The following SNX25 variants were observed in gnomAD, a reference collection of about 807,000 sequenced individuals.
The protein encoded by SNX25 is sorting nexin 25, also known as sorting nexin-25.
Under a neutral mutation model 113.7 loss-of-function variants are expected in SNX25, and 62 were observed. The observed-to-expected ratio is 0.55, with a 90% CI of 0.44 to 0.67. The LOEUF (loss-of-function observed/expected upper bound fraction) is 0.67, where lower values mean the gene tolerates loss of function less well. Ranked by LOEUF, SNX25 falls within the 30% of genes least tolerant of loss-of-function variation. SNX25 has a pLI of 0.00. For synonymous variants in SNX25, 421 were observed against 436.2 expected (o/e 0.97, Z 0.43); for missense variants, 1,014 against 1,161.0 (o/e 0.87, Z 1.84).
At chr4:185,250,588 C>A (rs1346520674) in intron 2 of SNX25, among the ~76,000 whole-genome samples, 1 of 152,180 alleles carries the variant, frequency 6.6e-6, no homozygotes, top group Non-Finnish European at 1.5e-5. Context: ...TAGGGAAAAG[C>A]TGTGTGTAAA....
At chr4:185,216,146 A>C (rs1300217950) in intron 1 of SNX25, among the ~76,000 whole-genome samples, 1 of 152,158 alleles carries the variant, frequency 6.6e-6, no homozygotes, top group Non-Finnish European at 1.5e-5. Flanking sequence ...GCACAATCAT[A>C]TGATTTTAAA....
chr4:185,240,181 T>G lies in SNX25; in HGVS notation c.430-7113T>G, dbSNP rs77247433. On this transcript the variant is annotated intron_variant, in intron 1 of 18. Transcript: ENST00000652585. ...ATGTCTACCTCTTTCTACACAGACATGGCAACCATCCGATTTCTCAGTCTT... is the reference window on the plus strand; with the variant it reads ...ATGTCTACCTCTTTCTACACAGACAGGGCAACCATCCGATTTCTCAGTCTT... 5.9e-5 allele frequency among the ~76,000 whole-genome samples: 9 copies of G among 151,742 alleles called. No individual in the cohort carries two copies. The South Asian group carries it at 8.3e-4, about 14-fold the overall frequency.
chr4:185,355,498 T>C (rs966138708), intron 15 of SNX25, among the ~76,000 whole-genome samples: 2 of 152,202 alleles, frequency 1.3e-5, no homozygotes, highest in African/African-American at 4.8e-5. Flanking sequence ...CATTAAGCAA[T>C]AGACAAAGTT....
In SNX25 at chr4:185,259,119, T is replaced by G. The variant is rs1039467853; in HGVS notation, c.731+55T>G. 8.8e-6 allele frequency: 13 copies of G among 1,482,986 alleles called. No homozygotes were observed. In the African/African-American group the frequency reaches 1.1e-4, roughly 13 times the overall value. 91.9% of individuals were successfully genotyped at this position (1,482,986 alleles called of 1,614,324 possible). On this transcript the variant is annotated intron_variant, in intron 3 of 18. Transcript: ENST00000652585. ...TTTGCATTAATTTTTTTTAATTGAG[T>G]AAAAGGTCAAAGTCAAGATAAAACT...
In SNX25 at chr4:185,332,618, G is replaced by A. The variant is rs747344380; in HGVS notation, c.1773G>A (p.Glu591=). The A allele has an allele frequency of 1.9e-6, 3 of 1,613,446 alleles. No homozygotes were observed. The East Asian group carries it at 6.7e-5, about 36-fold the overall frequency. ...DEMGPRDEAG[E]EAVDDGTNQI... Reference sequence around the variant, plus strand: ...AGGGCCCAAGAGATGAGGCTGGTGAGGAAGCCGTGGATGATGGTACCAATC... The same window carrying A: ...AGGGCCCAAGAGATGAGGCTGGTGAAGAAGCCGTGGATGATGGTACCAATC... Residue 591 remains glutamate (E), a synonymous_variant, in exon 10 of 19, where the codon GAG becomes GAA. Transcript: ENST00000652585.
Position 185,323,691 on chromosome 4 carries a change from T to C in SNX25, c.1640T>C (p.Leu547Pro), listed in dbSNP as rs2095136531. ...ATCCAGGAAGATGTTTATGAGACCC[T>C]AAAGGATAGGTATTACCCTTCATTT... ...YKIQEDVYET[L>P]KDRYYPSFIV... is the part of the protein sequence containing the mutation. Residue 547 changes from leucine (L) to proline (P), a missense_variant, in exon 9 of 19, where the codon CTA becomes CCA. By Grantham distance (98) the Leu-to-Pro change is moderately conservative. Coordinates refer to ENST00000652585, the MANE Select transcript of SNX25 (RefSeq NM_001378034.2). 1 of 1,613,680 alleles carries C rather than the reference T, an allele frequency of 6.2e-7. No homozygotes were observed. The highest frequency in any genetic ancestry group is 8.5e-7 in the Non-Finnish European group (1 of 1,179,826).
chr4:185,236,086 A>C (rs1243276019), intron 1 of SNX25, among the ~76,000 whole-genome samples: 1 of 152,242 alleles, frequency 6.6e-6, no homozygotes, highest in Non-Finnish European at 1.5e-5. Context: ...ACATAAGTAA[A>C]TAAACTTATC....
rs770493754 is a variant in SNX25 at position 185,332,764 on chromosome 4, C to T, written c.1914+5C>T. ...GCACCAAAACCTGACAAGAAGGTAACTCTTTGCTTTCAAGGTTGTCTTTGA... is the reference window on the plus strand; with the variant it reads ...GCACCAAAACCTGACAAGAAGGTAATTCTTTGCTTTCAAGGTTGTCTTTGA... On this transcript the variant is annotated splice_donor_5th_base_variant and intron_variant, in intron 10 of 18. Coordinates refer to ENST00000652585, the MANE Select transcript of SNX25 (RefSeq NM_001378034.2). 6.2e-7 allele frequency: 1 copy of T among 1,611,560 alleles called. No individual in the cohort carries two copies. The highest frequency in any genetic ancestry group is 8.5e-7 in the Non-Finnish European group (1 of 1,179,000).
rs563830476 is a variant in SNX25 at position 185,291,701 on chromosome 4, A to G, written c.1162+3619A>G. The stretch of plus-strand genomic sequence containing the variant: ...CCCTGGCCTGGAGATATGTCACTCC[A>G]ATCCCTGCCTCAGTTGTCACGTGAT... On this transcript the variant is annotated intron_variant, in intron 6 of 18. Coordinates refer to ENST00000652585, the MANE Select transcript of SNX25 (RefSeq NM_001378034.2). Among the ~76,000 whole-genome samples the G allele has an allele frequency of 4.0e-3, 605 of 152,280 alleles. 6 individuals are homozygous for G. The highest frequency in any genetic ancestry group is 0.014 in the Middle Eastern group (4 of 294).
At chr4:185,239,698 CTTT>C (rs940816817) in intron 1 of SNX25, among the ~76,000 whole-genome samples, 2 of 119,876 alleles carry the variant, frequency 1.7e-5, no homozygotes, top group African/African-American at 3.1e-5. Context: ...GCTTTGCTTT[CTTT>C]TTTTTTGTTT....
downstream of SNX25, chr4:185,370,689 C>A: frequency 6.2e-7 from 1 of 1,614,012 alleles, no homozygotes; most frequent in South Asian, 1.1e-5. Flanking sequence ...GATGCCCAAG[C>A]CAAGCTGAAG....
chr4:185,265,749 A>G (rs748688788), intron 4 of SNX25, among the ~76,000 whole-genome samples: 1 of 152,162 alleles, frequency 6.6e-6, no homozygotes, highest in African/African-American at 2.4e-5. Context: ...TCAAGTATGC[A>G]CTGTACATAA....
chr4:185,315,994 A>G (rs140302984), intron 7 of SNX25, among the ~76,000 whole-genome samples: 1 of 152,210 alleles, frequency 6.6e-6, no homozygotes, highest in Admixed American at 6.5e-5. Context: ...AGTGTACAAT[A>G]TGATAAGTTT....
At chr4:185,336,559 G>A (rs189184943) in intron 10 of SNX25, among the ~76,000 whole-genome samples, 174 of 152,254 alleles carry the variant, frequency 1.1e-3, no homozygotes, top group Middle Eastern at 6.8e-3. Flanking sequence ...TTTTCCACTT[G>A]TTGATTAATG....
intron 2 of SNX25, among the ~76,000 whole-genome samples, chr4:185,253,157 C>T (rs1745910763): frequency 6.6e-6 from 1 of 152,204 alleles, no homozygotes; most frequent in Non-Finnish European, 1.5e-5. Flanking sequence ...CCTAAACCAT[C>T]TCTAATGTGA....
At chr4:185,240,485 C>T (rs1264021727) in intron 1 of SNX25, among the ~76,000 whole-genome samples, 6 of 146,254 alleles carry the variant, frequency 4.1e-5, no homozygotes, top group Admixed American at 1.4e-4. Flanking sequence ...CAGAGGCGCC[C>T]CTCACCTCCC....
intron 15 of SNX25, among the ~76,000 whole-genome samples, chr4:185,354,815 G>T (rs2126748540): frequency 6.6e-6 from 1 of 152,356 alleles, no homozygotes; most frequent in Admixed American, 6.5e-5. Flanking sequence ...GTCATACCTA[G>T]AGCCTCAGTA....
intron 15 of SNX25, among the ~76,000 whole-genome samples, chr4:185,354,447 A>AG (rs1428265662): frequency 6.6e-6 from 1 of 152,170 alleles, no homozygotes; most frequent in Non-Finnish European, 1.5e-5. Context: ...ACTTGGAGTG[A>AG]GGGGTGCTAC....
At chr4:185,336,944 G>C (rs760345578) in intron 10 of SNX25, among the ~76,000 whole-genome samples, 4 of 152,058 alleles carry the variant, frequency 2.6e-5, no homozygotes, top group Non-Finnish European at 5.9e-5. Flanking sequence ...ATGCTTGTTG[G>C]CCATTTGTGT....
Sources: allele counts gnomAD v4.1 joint callset (sites outside exome capture counted in the v4.1 genomes callset), GRCh38; gene constraint gnomAD v4.1.1; transcripts MANE v1.5; gene names NCBI Gene and HGNC (gene_info 2026-07-23, HGNC 2026-07-21).